The following MAP3K19 variants were observed in gnomAD, a reference collection of about 807,000 sequenced individuals.
MAP3K19 encodes the protein SPS1/STE20-related protein kinase YSK4.
Under a neutral mutation model 114.4 loss-of-function variants are expected in MAP3K19, and 91 were observed. The observed-to-expected ratio is 0.80, with a 90% CI of 0.67 to 0.95. The LOEUF (loss-of-function observed/expected upper bound fraction) is 0.95, where lower values mean the gene tolerates loss of function less well. MAP3K19 is among the 40% of genes least tolerant of loss of function. The pLI is 0.00. For missense variants in MAP3K19, 1,471 were observed against 1,573.2 expected (o/e 0.94, Z 1.10); for synonymous variants, 518 against 530.5 (o/e 0.98, Z 0.32).
chr2:135,036,944 A>G (rs1409457861), intron 2 of MAP3K19, among the ~76,000 whole-genome samples: 2 of 152,080 alleles, frequency 1.3e-5, no homozygotes, highest in Non-Finnish European at 2.9e-5. Flanking sequence ...GTCAGACTGC[A>G]GTAGTTTGAA....
At chr2:134,966,890 G>A (rs1683395124) in intron 12 of MAP3K19, among the ~76,000 whole-genome samples, 1 of 152,242 alleles carries the variant, frequency 6.6e-6, no homozygotes, top group African/African-American at 2.4e-5. Context: ...GCAGTTCAGT[G>A]AGTGTAGGCT....
At chr2:135,036,708 C>T (rs1168375376) in intron 2 of MAP3K19, among the ~76,000 whole-genome samples, 1 of 149,338 alleles carries the variant, frequency 6.7e-6, no homozygotes, top group Non-Finnish European at 1.5e-5. Flanking sequence ...CAGGGGCCAT[C>T]CTCACATGAT....
At chr2:135,003,070 C>T (rs1686565136) in intron 6 of MAP3K19, among the ~76,000 whole-genome samples, 1 of 152,220 alleles carries the variant, frequency 6.6e-6, no homozygotes, top group Non-Finnish European at 1.5e-5. Context: ...AGAGAGCTCA[C>T]TCACTTGTGC....
chr2:134,999,548 T>C lies in MAP3K19; in HGVS notation c.314+389A>G, dbSNP rs140808808. 4.6e-5 allele frequency among the ~76,000 whole-genome samples: 7 copies of C among 152,340 alleles called. No individual in the cohort carries two copies. In the East Asian group the frequency reaches 1.2e-3, roughly 25 times the overall value. On this transcript the variant is annotated intron_variant, in intron 7 of 12. Transcript: ENST00000392915. This position sits in a 1 kb window ranked among gnomAD's most constrained non-coding sequence, Gnocchi z 4.1. ...TAATGGTCACCCTCGCAGCCTGTCC[T>C]GACCTCATCATGGACTAGTAACAGG...
chr2:135,011,664 ATGT>A (rs1338282239), intron 5 of MAP3K19, among the ~76,000 whole-genome samples: 3 of 144,454 alleles, frequency 2.1e-5, no homozygotes, highest in Non-Finnish European at 4.4e-5. Context: ...TAAGAGTTTG[ATGT>A]TGTTTGTTTG....
At position 134,998,714 on chromosome 2, in the gene MAP3K19, T is replaced by C. The variant is rs990873876; in HGVS notation, c.574+24A>G. 3 of 1,581,662 alleles carry C rather than the reference T, an allele frequency of 1.9e-6. No individual in the cohort carries two copies. In the African/African-American group the frequency reaches 4.1e-5, roughly 22 times the overall value. ...ATATTTGTTGACCAAAAGGACTCACTGTGGAATTCAATGTTCAACTTACCT... is the reference window on the plus strand; with the variant it reads ...ATATTTGTTGACCAAAAGGACTCACCGTGGAATTCAATGTTCAACTTACCT... On this transcript the variant is annotated intron_variant, in intron 8 of 12. Transcript: ENST00000392915.
At chr2:134,989,817 C>T (rs1025754131) in intron 9 of MAP3K19, among the ~76,000 whole-genome samples, 7 of 152,072 alleles carry the variant, frequency 4.6e-5, no homozygotes, top group African/African-American at 4.8e-5. Context: ...TGTGGTGGCT[C>T]ACACCTGTAA....
At chr2:135,027,345 GAA>G (rs1491409440) in intron 3 of MAP3K19, among the ~76,000 whole-genome samples, 31 of 127,038 alleles carry the variant, frequency 2.4e-4, no homozygotes, top group African/African-American at 1.0e-3. Context: ...AAGAAAGAAA[GAA>G]AGAGAGAAAG....
At chr2:135,005,361 C>A in intron 6 of MAP3K19, 74 bp downstream of exon 6, 1 of 1,097,462 alleles carries the variant, frequency 9.1e-7, no homozygotes, top group Non-Finnish European at 1.4e-6. Context: ...CTACAATAAG[C>A]CCTTCTGAAA....
intron 12 of MAP3K19, among the ~76,000 whole-genome samples, chr2:134,975,469 G>T (rs1684172365): frequency 1.3e-5 from 2 of 152,286 alleles, no homozygotes; most frequent in African/African-American, 2.4e-5. Context: ...GCCAGGCTTG[G>T]TTGACCTTTC....
chr2:134,983,484 T>G, intron 11 of MAP3K19, 192 bp downstream of exon 11: 1 of 593,884 alleles, frequency 1.7e-6, no homozygotes, highest in Non-Finnish European at 3.0e-6. Context: ...TTCCAGACCT[T>G]TCAGTCGGAT....
chr2:135,023,345 C>T lies in MAP3K19; in HGVS notation c.22+1281G>A, dbSNP rs552487440. On this transcript the variant is annotated intron_variant, in intron 4 of 12. Coordinates refer to ENST00000392915, the MANE Select transcript of MAP3K19 (RefSeq NM_025052.5). ...CACCGCTCCTCTCTATCTGCGGGTG[C>T]ACCTCCTCGGCTCAGCCCTCTGCAA... is the stretch of plus-strand genomic sequence containing the variant. 2.7e-4 allele frequency: 124 copies of T among 459,860 alleles called. 1 individual carries two copies. The highest frequency in any genetic ancestry group is 2.1e-3 in the African/African-American group (104 of 50,230). 28.5% of individuals were successfully genotyped at this position (459,860 alleles called of 1,614,324 possible).
chr2:135,003,542 GTGTT>G (rs10692556), intron 6 of MAP3K19, among the ~76,000 whole-genome samples: 6,964 of 151,550 alleles, frequency 0.046, 177 homozygotes, highest in South Asian at 0.063. Flanking sequence ...TGAGAAAATA[GTGTT>G]TGTTTGTTTG....
At chr2:134,985,040 C>A (rs1053161027) in intron 10 of MAP3K19, among the ~76,000 whole-genome samples, 3 of 152,142 alleles carry the variant, frequency 2.0e-5, no homozygotes, top group Admixed American at 2.0e-4. Context: ...TTCAGTTTAC[C>A]TACTGTTTCT....
rs1688763491 is a variant in MAP3K19, at chr2:135,047,382, T to C, written c.-621A>G. 1 of 152,194 alleles carries C rather than the reference T, an allele frequency of 6.6e-6. No homozygotes were observed. Among genetic ancestry groups the C allele is most frequent in the Non-Finnish European group, 1.5e-5 (1 of 68,044 alleles). The allele number at this position is 152,194 out of a possible 1,614,324, so 9.4% of individuals were successfully genotyped here. A position where few individuals can be genotyped will look rare whatever the true frequency, so the allele number is the denominator to read the frequency against. ...TGTACAGCCCAAATAATTTTTCCTT[T>C]TAAATTTTGTCTTTAATTAAGCTGG... is the stretch of plus-strand genomic sequence containing the variant. On this transcript the variant is annotated 5_prime_UTR_variant, in exon 1 of 13. Coordinates refer to ENST00000392915, the MANE Select transcript of MAP3K19 (RefSeq NM_025052.5).
At chr2:134,989,442 T>C (rs540465133) in intron 9 of MAP3K19, among the ~76,000 whole-genome samples, 1 of 152,288 alleles carries the variant, frequency 6.6e-6, no homozygotes, top group Non-Finnish European at 1.5e-5. Flanking sequence ...GCATTAAAAG[T>C]AGATGAGATG....
chr2:135,012,032 ACACT>A (rs1302195653), intron 5 of MAP3K19, among the ~76,000 whole-genome samples: 1 of 152,250 alleles, frequency 6.6e-6, no homozygotes, highest in Non-Finnish European at 1.5e-5. Context: ...CTTATGCATG[ACACT>A]CACCTTAAAG....
rs1309288882 is a variant in MAP3K19, at chr2:134,981,382, T to G, written c.3359A>C (p.His1120Pro). 6.2e-7 allele frequency: 1 copy of G among 1,614,116 alleles called. No individual in the cohort carries two copies. Among genetic ancestry groups the G allele is most frequent in the African/African-American group, 1.3e-5 (1 of 74,942 alleles). The part of the protein sequence containing the change: ...EEVDLLKALK[H>P]VNIVAYLGTC... ...CCCCAAATAGGCCACAATGTTGACA[T>G]GTTTCAGTGCTTTGAGCAAATCTAC... Residue 1120 changes from histidine (H) to proline (P), a missense_variant, in exon 12 of 13, where the codon CAT becomes CCT. Transcript: ENST00000392915.
At chr2:134,985,715 C>A (rs760810038) in intron 10 of MAP3K19, 85 bp downstream of exon 10, 287 of 1,202,752 alleles carry the variant, frequency 2.4e-4, no homozygotes, top group Non-Finnish European at 3.2e-4. Flanking sequence ...GTTTATAATT[C>A]CTCATTTGAA....
Sources: gnomAD v4.1 joint callset for allele counts (sites outside exome capture counted in the v4.1 genomes callset) on GRCh38, gnomAD v4.1.1 for gene constraint, Gnocchi (gnomAD v3.1) non-coding constraint, MANE v1.5 for transcripts, NCBI Gene and HGNC (gene_info 2026-07-23, HGNC 2026-07-21) for gene names.